Variants in AMER3 observed in about 807,000 individuals in gnomAD.
AMER3 encodes the protein family with sequence similarity 123C.
For synonymous variants in AMER3, 541 were observed against 485.5 expected, an observed-to-expected ratio of 1.11 and a Z score of -1.50; for missense variants, 1,201 against 1,139.4, an observed-to-expected ratio of 1.05 and a Z score of -0.78.
rs982440746 is a variant in AMER3 at position 130,767,015 on chromosome 2, T to A, written c.*2357T>A. 1 of 167,066 alleles carries A rather than the reference T, an allele frequency of 6.0e-6. No individual in the cohort carries two copies. The highest frequency in any genetic ancestry group is 2.4e-5 in the African/African-American group (1 of 41,450). The allele number at this position is 167,066 out of a possible 1,614,324, so 10.3% of individuals were successfully genotyped here. A position where few individuals can be genotyped will look rare whatever the true frequency, so the allele number is the denominator to read the frequency against. Reference sequence around the variant, plus strand: ...AAGTAACAAAGGCTTTTGACTCCACTCCCTCCACGCTGTCAGATCGCCATT... The same window carrying A: ...AAGTAACAAAGGCTTTTGACTCCACACCCTCCACGCTGTCAGATCGCCATT... On this transcript the variant is annotated 3_prime_UTR_variant, in exon 2 of 2. Coordinates refer to ENST00000321420, the MANE Select transcript of AMER3 (RefSeq NM_152698.3).
rs747924101 is a variant in AMER3, at chr2:130,763,980, T to C, written c.1908T>C (p.Ser636=). 6.8e-6 allele frequency: 11 copies of C among 1,613,462 alleles called. No homozygotes were observed. In the South Asian group the frequency reaches 1.2e-4, roughly 18 times the overall value. ...GTAAAAATAAGGCCCCAGTTCCTTC[T>C]ACCTGGCCCTGCTCCCAGAAGGAGC... is the stretch of plus-strand genomic sequence containing the variant. ...TSGKNKAPVP[S]TWPCSQKEPG... The change falls in exon 2 of 2, where the codon TCT becomes TCC. Residue 636 remains serine, a synonymous_variant. Transcript: ENST00000321420.
rs184609292 is a variant in AMER3 at position 130,760,807 on chromosome 2, G to T, written c.-19-1247G>T. Among the ~76,000 whole-genome samples, 332 of 152,220 alleles carry T rather than the reference G, an allele frequency of 2.2e-3. 5 individuals are homozygous for T. Among genetic ancestry groups the T allele is most frequent in the Admixed American group, 0.012 (186 of 15,298 alleles). ...TCCACAACACACCCCAAGGCAGCATGTTTAAAAACTAAACCCTAGCTCTTC... is the reference window on the plus strand; with the variant it reads ...TCCACAACACACCCCAAGGCAGCATTTTTAAAAACTAAACCCTAGCTCTTC... On this transcript the variant is annotated intron_variant, in intron 1 of 1. Transcript: ENST00000321420.
In AMER3 at chr2:130,764,540, G is replaced by C. The variant is rs199770925; in HGVS notation, c.2468G>C (p.Gly823Ala). ...LGLTLNSQQE[G>A]GVSASAPECR... ...CTCACTTTGAACAGCCAGCAGGAAG[G>C]GGGGGTCTCTGCAAGTGCCCCAGAA... Residue 823 changes from glycine (G) to alanine (A), a missense_variant, in exon 2 of 2, where the codon GGG becomes GCG. By Grantham distance (60) the Gly-to-Ala change is moderately conservative. Coordinates refer to ENST00000321420, the MANE Select transcript of AMER3 (RefSeq NM_152698.3). 253 of 1,604,234 alleles carry C rather than the reference G, an allele frequency of 1.6e-4. No individual in the cohort carries two copies. Among genetic ancestry groups the C allele is most frequent in the South Asian group, 5.6e-4 (50 of 89,534 alleles).
chr2:130,762,273 C>G lies in AMER3; in HGVS notation c.201C>G (p.Asn67Lys). 1 of 1,581,446 alleles carries G rather than the reference C, an allele frequency of 6.3e-7. No individual in the cohort carries two copies. Among genetic ancestry groups the G allele is most frequent in the South Asian group, 1.2e-5 (1 of 86,734 alleles). The change falls in exon 2 of 2, where the codon AAC becomes AAG. Residue 67 changes from asparagine to lysine, a missense_variant. Physicochemically the swap from Asn to Lys is moderately conservative, Grantham distance 94. Transcript: ENST00000321420. ...CCCAAGAATACGACAGATGCCCCAA[C>G]AAAGGGGCGCAGCTGGACCCCAAAG... ...PSAQEYDRCP[N>K]KGAQLDPKGG...
chr2:130,763,443 G>A lies in AMER3; in HGVS notation c.1371G>A (p.Leu457=). 6.2e-7 allele frequency: 1 copy of A among 1,613,042 alleles called. No individual in the cohort carries two copies. The highest frequency in any genetic ancestry group is 8.5e-7 in the Non-Finnish European group (1 of 1,179,976). ...SLSGPALGTP[L]SICSFRVGAE... is the part of the protein sequence containing the mutation. Reference sequence around the variant, plus strand: ...CAGGGCCGGCCCTGGGGACGCCACTGTCCATATGCAGCTTCCGAGTGGGGG... The same window carrying A: ...CAGGGCCGGCCCTGGGGACGCCACTATCCATATGCAGCTTCCGAGTGGGGG... The change falls in exon 2 of 2, where the codon CTG becomes CTA. Residue 457 remains leucine, a synonymous_variant. Coordinates refer to ENST00000321420, the MANE Select transcript of AMER3 (RefSeq NM_152698.3).
chr2:130,757,279 ATGTCTGTGTGTGCC>A (rs1678641160), intron 1 of AMER3, among the ~76,000 whole-genome samples: 2 of 152,186 alleles, frequency 1.3e-5, no homozygotes, highest in East Asian at 3.9e-4. Flanking sequence ...CAATAAATCC[ATGTCTGTGTGTGCC>A]GTGTAAAACA....
rs968805251 is a variant in AMER3, at chr2:130,765,360, T to C, written c.*702T>C. On this transcript the variant is annotated 3_prime_UTR_variant, in exon 2 of 2. Coordinates refer to ENST00000321420, the MANE Select transcript of AMER3 (RefSeq NM_152698.3). ...TCAAAATGGGAAATGTATACATGCA[T>C]GTCACTATGCTTGGTAATTGTGTGC... The C allele has an allele frequency of 1.8e-5, 3 of 167,042 alleles. No homozygotes were observed. The highest frequency in any genetic ancestry group is 7.2e-5 in the African/African-American group (3 of 41,458). The allele number at this position is 167,042 out of a possible 1,614,324, so 10.3% of individuals were successfully genotyped here.
Position 130,765,348 on chromosome 2 carries a change from T to C in AMER3, c.*690T>C, listed in dbSNP as rs1678954027. Reference sequence around the variant, plus strand: ...TGAAGAAATAGGTCAAAATGGGAAATGTATACATGCATGTCACTATGCTTG... The same window carrying C: ...TGAAGAAATAGGTCAAAATGGGAAACGTATACATGCATGTCACTATGCTTG... On this transcript the variant is annotated 3_prime_UTR_variant, in exon 2 of 2. Transcript: ENST00000321420. 6.0e-6 allele frequency: 1 copy of C among 167,008 alleles called. No homozygotes were observed. Among genetic ancestry groups the C allele is most frequent in the Non-Finnish European group, 1.5e-5 (1 of 68,124 alleles). 10.3% of individuals were successfully genotyped at this position (167,008 alleles called of 1,614,324 possible). A position where few individuals can be genotyped will look rare whatever the true frequency, so the allele number is the denominator to read the frequency against.
In AMER3 at chr2:130,763,400, G is replaced by A. The variant is rs771616776; in HGVS notation, c.1328G>A (p.Cys443Tyr). 1 of 1,613,086 alleles carries A rather than the reference G, an allele frequency of 6.2e-7. No individual in the cohort carries two copies. Among genetic ancestry groups the A allele is most frequent in the South Asian group, 1.1e-5 (1 of 91,082 alleles). ...PLGPSPDDDL[C>Y]VSESLSGPAL... ...GGCCCCAGCCCAGATGATGACCTGT[G>A]CGTGTCTGAGAGTCTGTCAGGGCCG... Residue 443 changes from cysteine (C) to tyrosine (Y), a missense_variant, in exon 2 of 2, where the codon TGC becomes TAC. Physicochemically the swap from Cys to Tyr is radical, Grantham distance 194 (BLOSUM62 -2). Coordinates refer to ENST00000321420, the MANE Select transcript of AMER3 (RefSeq NM_152698.3).
chr2:130,763,701 G>A lies in AMER3; in HGVS notation c.1629G>A (p.Lys543=). 6.4e-7 allele frequency: 1 copy of A among 1,551,600 alleles called. No individual in the cohort carries two copies. The highest frequency in any genetic ancestry group is 8.7e-7 in the Non-Finnish European group (1 of 1,152,958). ...SQGAPRAPTE[K]LGGREGLASD... ...GAGCCCCTAGGGCACCCACAGAGAA[G>A]CTGGGGGGCAGGGAGGGCCTGGCCT... The change falls in exon 2 of 2, where the codon AAG becomes AAA. Residue 543 remains lysine (K), a synonymous_variant. Coordinates refer to ENST00000321420, the MANE Select transcript of AMER3 (RefSeq NM_152698.3).
chr2:130,763,135 T>C lies in AMER3; in HGVS notation c.1063T>C (p.Cys355Arg). Residue 355 changes from cysteine (C) to arginine (R), a missense_variant, in exon 2 of 2, where the codon TGC (cysteine) becomes CGC (arginine). Coordinates refer to ENST00000321420, the MANE Select transcript of AMER3 (RefSeq NM_152698.3). ...AGLAELPLCP[C>R]RDPRSGSKAS... Reference sequence around the variant, plus strand: ...GCTCGCTGAGCTGCCCCTCTGCCCCTGCAGGGACCCTCGCAGCGGCTCCAA... The same window carrying C: ...GCTCGCTGAGCTGCCCCTCTGCCCCCGCAGGGACCCTCGCAGCGGCTCCAA... The C allele has an allele frequency of 1.2e-6, 2 of 1,613,342 alleles. No individual in the cohort carries two copies. Among genetic ancestry groups the C allele is most frequent in the Non-Finnish European group, 1.7e-6 (2 of 1,179,986 alleles).
At chr2:130,758,090 C>T (rs1421907661) in intron 1 of AMER3, among the ~76,000 whole-genome samples, 2 of 151,842 alleles carry the variant, frequency 1.3e-5, no homozygotes, top group African/African-American at 2.4e-5. Flanking sequence ...GCCAAGATCA[C>T]GCCACTGCAC....
In AMER3 at chr2:130,762,230, C is replaced by T; in HGVS notation, c.158C>T (p.Pro53Leu). The change falls in exon 2 of 2, where the codon CCC (proline) becomes CTC (leucine). Residue 53 changes from proline to leucine, a missense_variant. By Grantham distance (98) the Pro-to-Leu change is moderately conservative. Coordinates refer to ENST00000321420, the MANE Select transcript of AMER3 (RefSeq NM_152698.3). ...GQQRPHSEKG[P>L]QASPSAQEYD... is the part of the protein sequence containing the mutation. ...CAGAGGCCCCACAGTGAGAAGGGCC[C>T]CCAAGCCAGCCCCAGTGCCCAAGAA... 6.3e-7 allele frequency: 1 copy of T among 1,577,858 alleles called. No individual in the cohort carries two copies. Among genetic ancestry groups the T allele is most frequent in the Non-Finnish European group, 8.6e-7 (1 of 1,162,596 alleles).
At position 130,762,915 on chromosome 2, in the gene AMER3, C is replaced by T. The variant is rs759259414; in HGVS notation, c.843C>T (p.Ser281=). The T allele has an allele frequency of 1.9e-6, 3 of 1,612,680 alleles. No homozygotes were observed. The South Asian group carries it at 3.3e-5, about 18-fold the overall frequency. Residue 281 remains serine (S), a synonymous_variant, in exon 2 of 2, where the codon AGC becomes AGT. Coordinates refer to ENST00000321420, the MANE Select transcript of AMER3 (RefSeq NM_152698.3). ...SPTQAAQGLE[S]KVPRGPLQGS... is the part of the protein sequence containing the mutation. ...CCCAGGCTGCTCAGGGCCTGGAGAG[C>T]AAGGTTCCCAGGGGCCCTCTCCAGG...
In AMER3 at chr2:130,764,212, C is replaced by T. The variant is rs1338606014; in HGVS notation, c.2140C>T (p.Pro714Ser). 1.2e-6 allele frequency: 2 copies of T among 1,609,386 alleles called. No individual in the cohort carries two copies. Among genetic ancestry groups the T allele is most frequent in the South Asian group, 1.1e-5 (1 of 90,512 alleles). ...CTTTGGGCAGCGCTGGGCCAGGGGC[C>T]CTGACATGCTGGAGCAGAAACAGTC... ...GLFGQRWARG[P>S]DMLEQKQSSS... Residue 714 changes from proline (P) to serine (S), a missense_variant, in exon 2 of 2, where the codon CCT becomes TCT. By Grantham distance (74) the Pro-to-Ser change is moderately conservative (BLOSUM62 -1). Coordinates refer to ENST00000321420, the MANE Select transcript of AMER3 (RefSeq NM_152698.3).
chr2:130,761,977 A>G, intron 1 of AMER3, 77 bp from the exon 2 acceptor site: 1 of 1,342,038 alleles, frequency 7.5e-7, no homozygotes, highest in Non-Finnish European at 1.0e-6. Flanking sequence ...GAGCTGTGTG[A>G]GAGGGGTAGG....
At chr2:130,761,423 C>T (rs546802310) in intron 1 of AMER3, among the ~76,000 whole-genome samples, 3 of 152,376 alleles carry the variant, frequency 2.0e-5, no homozygotes, top group African/African-American at 2.4e-5. Context: ...CCCTGTGTCC[C>T]ATGCTCACCT....
chr2:130,760,012 C>T (rs185521563), intron 1 of AMER3, among the ~76,000 whole-genome samples: 4 of 152,304 alleles, frequency 2.6e-5, no homozygotes, highest in Non-Finnish European at 4.4e-5. Flanking sequence ...GGCCTTATCA[C>T]GGCTGCAAAG....
chr2:130,763,836 C>G lies in AMER3; in HGVS notation c.1764C>G (p.Ala588=). Residue 588 remains alanine (A), a synonymous_variant, in exon 2 of 2, where the codon GCC becomes GCG. Coordinates refer to ENST00000321420, the MANE Select transcript of AMER3 (RefSeq NM_152698.3). ...GAGAGAGCAAGGCCCTCGGAGGGGC[C>G]ACACAAGGGACTGGCACACTGTCCA... is the stretch of plus-strand genomic sequence containing the variant. ...LAGESKALGG[A]TQGTGTLSRD... 1 of 1,613,228 alleles carries G rather than the reference C, an allele frequency of 6.2e-7. No individual in the cohort carries two copies. The highest frequency in any genetic ancestry group is 8.5e-7 in the Non-Finnish European group (1 of 1,179,988).
Sources: gnomAD v4.1 joint callset for allele counts (sites outside exome capture counted in the v4.1 genomes callset) on GRCh38, gnomAD v4.1.1 for gene constraint, MANE v1.5 for transcripts, NCBI Gene and HGNC (gene_info 2026-07-23, HGNC 2026-07-21) for gene names.